Variants in MANBA observed in about 807,000 individuals in gnomAD.
MANBA encodes the protein beta-mannosidase.
A neutral mutation model predicts 111.1 loss-of-function variants in MANBA; 83 were observed. That is an observed-to-expected ratio of 0.75 (90% CI 0.63 to 0.90). MANBA has a LOEUF of 0.90. Among genes scored for constraint, MANBA ranks in the 40% least tolerant of loss-of-function variants. The probability of loss-of-function intolerance (pLI) is 0.00; values close to 1 mark genes in which losing one functional copy is unlikely to be tolerated. For synonymous variants in MANBA, 370 were observed against 378.7 expected, an observed-to-expected ratio of 0.98 and a Z score of 0.27; for missense variants, 1,036 against 1,069.0, an observed-to-expected ratio of 0.97 and a Z score of 0.43.
intron 7 of MANBA, among the ~76,000 whole-genome samples, chr4:102,684,012 A>G (rs1431974465): frequency 6.6e-6 from 1 of 151,868 alleles, no homozygotes; most frequent in Non-Finnish European, 1.5e-5. Flanking sequence ...TCATGATTCC[A>G]TACATTTCTG....
chr4:102,745,383 C>T lies in MANBA; in HGVS notation c.177+15335G>A, dbSNP rs1458648415. 3.9e-5 allele frequency among the ~76,000 whole-genome samples: 6 copies of T among 152,314 alleles called. No individual in the cohort carries two copies. In the East Asian group the frequency reaches 1.2e-3, roughly 29 times the overall value. ...TGTGGTGGAGTGACTGTTGTTCCCACCGTTAGATCTGACATACAGAGAAGA... is the reference window on the plus strand; with the variant it reads ...TGTGGTGGAGTGACTGTTGTTCCCATCGTTAGATCTGACATACAGAGAAGA... On this transcript the variant is annotated intron_variant, in intron 1 of 16. Coordinates refer to ENST00000647097, the MANE Select transcript of MANBA (RefSeq NM_005908.4).
At chr4:102,650,321 A>G (rs1365823433) in intron 13 of MANBA, among the ~76,000 whole-genome samples, 11 of 152,244 alleles carry the variant, frequency 7.2e-5, no homozygotes, top group African/African-American at 2.4e-4. Context: ...AATTTATTTC[A>G]GAATTTTGTG....
chr4:102,702,633 G>A (rs999119764), intron 5 of MANBA, among the ~76,000 whole-genome samples: 2 of 152,122 alleles, frequency 1.3e-5, no homozygotes, highest in Non-Finnish European at 2.9e-5. Context: ...TCCAGACCCT[G>A]TAGAAACCAC....
chr4:102,753,955 A>G (rs1474684527), intron 1 of MANBA: 1 of 424,116 alleles, frequency 2.4e-6, no homozygotes, highest in Admixed American at 2.7e-5. Context: ...AGTGAGGAAG[A>G]TGATGCCACT....
At chr4:102,645,271 T>C (rs531052298) in intron 13 of MANBA, among the ~76,000 whole-genome samples, 1 of 152,120 alleles carries the variant, frequency 6.6e-6, no homozygotes, top group African/African-American at 2.4e-5. Context: ...TACCATTTTA[T>C]TGAGGATTTT....
At chr4:102,633,169 G>T (rs1729464435) in intron 16 of MANBA, 1 of 351,224 alleles carries the variant, frequency 2.8e-6, no homozygotes, top group South Asian at 1.7e-4. Flanking sequence ...AAGCAGAAAA[G>T]AAGCTTAATA....
intron 4 of MANBA, among the ~76,000 whole-genome samples, chr4:102,716,510 C>T (rs1291005884): frequency 6.6e-6 from 1 of 152,048 alleles, no homozygotes; most frequent in East Asian, 1.9e-4. Flanking sequence ...ACATTTTATC[C>T]AATCTTATTT....
intron 13 of MANBA, among the ~76,000 whole-genome samples, chr4:102,646,291 C>G (rs1274977572): frequency 6.6e-6 from 1 of 152,126 alleles, no homozygotes; most frequent in Non-Finnish European, 1.5e-5. Flanking sequence ...CCACCCTACT[C>G]TCATCTTAAA....
At chr4:102,687,523 TC>T (rs1732271542) in intron 7 of MANBA, among the ~76,000 whole-genome samples, 2 of 152,174 alleles carry the variant, frequency 1.3e-5, no homozygotes, top group Admixed American at 1.3e-4. Flanking sequence ...CATTGAAATT[TC>T]TTTCACTTCT....
chr4:102,723,410 C>T (rs1722664182), intron 3 of MANBA, among the ~76,000 whole-genome samples: 1 of 152,168 alleles, frequency 6.6e-6, no homozygotes, highest in African/African-American at 2.4e-5. Flanking sequence ...TTCATGACAA[C>T]CTGCCTCTCC....
chr4:102,642,518 A>C (rs1729924498), intron 13 of MANBA, among the ~76,000 whole-genome samples: 1 of 152,138 alleles, frequency 6.6e-6, no homozygotes, highest in Non-Finnish European at 1.5e-5. Flanking sequence ...GAGGCAGGAG[A>C]ATGGCTTGAA....
At chr4:102,660,262 T>C (rs906113728) in intron 11 of MANBA, among the ~76,000 whole-genome samples, 1 of 152,122 alleles carries the variant, frequency 6.6e-6, no homozygotes, top group African/African-American at 2.4e-5. Flanking sequence ...GTAGCAACTC[T>C]ACATTCAGAT....
At chr4:102,716,170 G>T (rs1237394273) in intron 4 of MANBA, among the ~76,000 whole-genome samples, 1 of 151,804 alleles carries the variant, frequency 6.6e-6, no homozygotes, top group Non-Finnish European at 1.5e-5. Context: ...TTAGTTGGGT[G>T]TGGTGGTATA....
At chr4:102,676,495 G>A (rs990784229) in intron 7 of MANBA, among the ~76,000 whole-genome samples, 3 of 151,846 alleles carry the variant, frequency 2.0e-5, no homozygotes, top group Non-Finnish European at 4.4e-5. Context: ...GTTAGTCGAG[G>A]AAATAACAGC....
At chr4:102,703,022 T>TG (rs1733131471) in intron 5 of MANBA, among the ~76,000 whole-genome samples, 2 of 152,308 alleles carry the variant, frequency 1.3e-5, no homozygotes, top group African/African-American at 4.8e-5. Flanking sequence ...ATATAACAGA[T>TG]GCCCAATATA....
chr4:102,681,199 A>C (rs1451738771), intron 7 of MANBA, among the ~76,000 whole-genome samples: 1 of 152,136 alleles, frequency 6.6e-6, no homozygotes, highest in Non-Finnish European at 1.5e-5. Flanking sequence ...TAAAATAGGC[A>C]AGGCATGGTA....
At chr4:102,683,473 T>C (rs534676536) in intron 7 of MANBA, among the ~76,000 whole-genome samples, 1 of 152,330 alleles carries the variant, frequency 6.6e-6, no homozygotes, top group East Asian at 1.9e-4. Flanking sequence ...ATCAACTAAT[T>C]GGTTTCCTGT....
intron 4 of MANBA, among the ~76,000 whole-genome samples, chr4:102,720,388 T>C (rs1478672544): frequency 2.0e-5 from 3 of 151,510 alleles, no homozygotes; most frequent in African/African-American, 7.3e-5. Context: ...TGAGCTGAGA[T>C]TGTGCCACTG....
At chr4:102,730,294 T>C in intron 1 of MANBA, 1 of 544,078 alleles carries the variant, frequency 1.8e-6, no homozygotes, top group Non-Finnish European at 3.3e-6. Context: ...CGGAGGAATT[T>C]ACAAGAGGGT....
Sources: allele counts gnomAD v4.1 joint callset (sites outside exome capture counted in the v4.1 genomes callset), GRCh38; gene constraint gnomAD v4.1.1; transcripts MANE v1.5; gene names NCBI Gene and HGNC (gene_info 2026-07-23, HGNC 2026-07-21).